The following ERCC2 variants were observed in gnomAD, a reference collection of about 807,000 sequenced individuals.
The protein encoded by ERCC2 is ERCC excision repair 2, TFIIH core complex helicase subunit, also known as general transcription and DNA repair factor IIH helicase subunit XPD.
In ERCC2, 90 loss-of-function variants were observed where a neutral mutation model predicts 99.4. That is an observed-to-expected ratio of 0.91 (90% CI 0.76 to 1.08). The LOEUF (loss-of-function observed/expected upper bound fraction) is 1.08, where lower values mean the gene tolerates loss of function less well. Ranked by LOEUF, ERCC2 falls within the 50% of genes least tolerant of loss-of-function variation. The pLI, the probability that ERCC2 is intolerant of heterozygous loss-of-function variation, is 0.00. For missense variants in ERCC2, 993 were observed against 1,038.1 expected, an observed-to-expected ratio of 0.96 and a Z score of 0.60; for synonymous variants, 497 against 432.4, an observed-to-expected ratio of 1.15 and a Z score of -1.85.
chr19:45,365,844 T>C (rs1396766422), intron 5 of ERCC2, among the ~76,000 whole-genome samples: 2 of 151,940 alleles, frequency 1.3e-5, no homozygotes, highest in Non-Finnish European at 2.9e-5. Flanking sequence ...AAGTTATACA[T>C]ACATATTTTT....
rs1972319943 is a variant in ERCC2 at position 45,363,929 on chromosome 19, C to G, written c.950-18G>C. 5 of 1,537,734 alleles carry G rather than the reference C, an allele frequency of 3.3e-6. 1 individual carries two copies. The East Asian group carries it at 1.2e-4, about 37-fold the overall frequency. Reference sequence around the variant, plus strand: ...CACTGCCTCTGCGAGGAGACGCTATCAGCGGCGACGGGGAGGCGGGAAAGG... The same window carrying G: ...CACTGCCTCTGCGAGGAGACGCTATGAGCGGCGACGGGGAGGCGGGAAAGG... On this transcript the variant is annotated intron_variant, in intron 10 of 22. Transcript: ENST00000391945.
chr19:45,367,364 T>TACACACAC (rs1277272381), intron 5 of ERCC2, among the ~76,000 whole-genome samples: 2 of 102,166 alleles, frequency 2.0e-5, no homozygotes, highest in African/African-American at 5.4e-5. Flanking sequence ...AATATATATA[T>TACACACAC]ATATACACAC....
intron 12 of ERCC2, chr19:45,359,057 G>A: frequency 3.3e-6 from 2 of 608,622 alleles, no homozygotes; most frequent in East Asian, 2.8e-5. Flanking sequence ...TCCAGTAGGA[G>A]ACAGACTTGT....
chr19:45,363,802 G>A lies in ERCC2; in HGVS notation c.1059C>T (p.Ser353=). 6.5e-7 allele frequency: 1 copy of A among 1,539,922 alleles called. No homozygotes were observed. Among genetic ancestry groups the A allele is most frequent in the South Asian group, 1.2e-5 (1 of 84,356 alleles). Residue 353 remains serine (S), a synonymous_variant, in exon 11 of 23, where the codon AGC becomes AGT. Coordinates refer to ENST00000391945, the MANE Select transcript of ERCC2 (RefSeq NM_000400.4). ...CCAGGCCGCTCAGGAAGGCGGGCGG[G>A]CTCTCCTGCACCACATGCTGCACAC... ...RLRVQHVVQE[S]PPAFLSGLAQ...
chr19:45,364,695 C>T (rs1972362318), intron 7 of ERCC2, 143 bp downstream of exon 7: 3 of 1,337,300 alleles, frequency 2.2e-6, no homozygotes, highest in Non-Finnish European at 3.2e-6. Context: ...AGAGACAGAC[C>T]AACAGATACG....
intron 12 of ERCC2, among the ~76,000 whole-genome samples, chr19:45,359,134 C>T (rs1447506626): frequency 1.3e-5 from 2 of 151,972 alleles, no homozygotes; most frequent in Non-Finnish European, 2.9e-5. Flanking sequence ...GGGCCTGACT[C>T]AGCCTGGGGG....
Position 45,352,148 on chromosome 19 carries a change from G to C in ERCC2, c.2190+61C>G, listed in dbSNP as rs3916882. 4.5e-3 allele frequency: 7,204 copies of C among 1,587,714 alleles called. 23 individuals are homozygous for C. Among genetic ancestry groups the C allele is most frequent in the Non-Finnish European group, 5.5e-3 (6,398 of 1,162,196 alleles). Reference sequence around the variant, plus strand: ...GGGTGGGGAGTGGGGAGAATCCAAGGGGACTTTCTGGAGGAGAAGCTCAGC... The same window carrying C: ...GGGTGGGGAGTGGGGAGAATCCAAGCGGACTTTCTGGAGGAGAAGCTCAGC... On this transcript the variant is annotated intron_variant, in intron 22 of 22. Transcript: ENST00000391945.
At chr19:45,370,394 A>C in intron 1 of ERCC2, 142 bp downstream of exon 1, 2 of 1,498,948 alleles carry the variant, frequency 1.3e-6, no homozygotes, top group Non-Finnish European at 1.8e-6. Context: ...CCTCGCTATC[A>C]CTGCTGCTCC....
chr19:45,352,923 G>T, intron 19 of ERCC2, 107 bp from the exon 20 acceptor site: 3 of 1,252,878 alleles, frequency 2.4e-6, no homozygotes, highest in East Asian at 2.4e-5. Flanking sequence ...GGGAGAGGGT[G>T]TGTTCCCGCC....
chr19:45,369,957 C>T (rs1181425502), intron 2 of ERCC2, among the ~76,000 whole-genome samples, 176 bp downstream of exon 2: 4 of 152,194 alleles, frequency 2.6e-5, no homozygotes, highest in African/African-American at 9.6e-5. Context: ...ATTACAGGCG[C>T]GAGCCACCGC....
chr19:45,369,076 G>A lies in ERCC2; in HGVS notation c.177C>T (p.Tyr59=), dbSNP rs1161950163. The A allele has an allele frequency of 7.4e-6, 12 of 1,613,912 alleles. No homozygotes were observed. Among genetic ancestry groups the A allele is most frequent in the African/African-American group, 2.7e-5 (2 of 74,894 alleles). The part of the protein sequence containing the change: ...TVSLLALIMA[Y]QRAYPLEVTK... The stretch of plus-strand genomic sequence containing the variant: ...GGTTCAGCGCATCACTCACTCTCTG[G>A]TATGCCATGATCAGGGCCAACAGGG... The change falls in exon 3 of 23, where the codon TAC becomes TAT. Residue 59 remains tyrosine (Y), a synonymous_variant. Coordinates refer to ENST00000391945, the MANE Select transcript of ERCC2 (RefSeq NM_000400.4).
At chr19:45,359,943 T>C (rs1437093511) in intron 12 of ERCC2, among the ~76,000 whole-genome samples, 1 of 151,856 alleles carries the variant, frequency 6.6e-6, no homozygotes, top group Non-Finnish European at 1.5e-5. Context: ...TCCAGCTAAT[T>C]TTTGTATTTT....
At chr19:45,351,743 G>A (rs1322856478) in intron 22 of ERCC2, 22 bp from the exon 23 acceptor site, 27 of 1,610,834 alleles carry the variant, frequency 1.7e-5, no homozygotes, top group Middle Eastern at 3.3e-4. Context: ...AGAGGAAAGG[G>A]AGAGGGGGGC....
At position 45,351,110 on chromosome 19, in the gene ERCC2, C is replaced by T. The variant is rs1971744302; in HGVS notation, c.*519G>A. The stretch of plus-strand genomic sequence containing the variant: ...AGGGCGGTCGGGCCAGTGGTGGAGT[C>T]AGCAGGTGGTGGGTTGGTGTCAGAA... On this transcript the variant is annotated 3_prime_UTR_variant, in exon 23 of 23. Coordinates refer to ENST00000391945, the MANE Select transcript of ERCC2 (RefSeq NM_000400.4). 1.9e-6 allele frequency: 3 copies of T among 1,607,574 alleles called. No homozygotes were observed. The highest frequency in any genetic ancestry group is 1.7e-5 in the Admixed American group (1 of 59,252).
Position 45,352,264 on chromosome 19 carries a change from T to C in ERCC2, c.2135A>G (p.Glu712Gly). 6.2e-7 allele frequency: 1 copy of C among 1,614,086 alleles called. No individual in the cohort carries two copies. The highest frequency in any genetic ancestry group is 1.1e-5 in the South Asian group (1 of 91,084). ...TDANLNLTVD[E>G]GVQVAKYFLR... ...GAAGTACTTGGCCACCTGGACACCC[T>C]CGTCCACGGTCAGGTTGAGGTTGGC... The change falls in exon 22 of 23, where the codon GAG (glutamate) becomes GGG (glycine). Residue 712 changes from glutamate to glycine, a missense_variant. By Grantham distance (98) the Glu-to-Gly change is moderately conservative (BLOSUM62 -2). Around this residue, in one of 3 missense-constraint regions of ERCC2, gnomAD observed 909 missense variants for 930.8 expected, o/e 0.98. Transcript: ENST00000391945.
chr19:45,365,086 GC>G lies in ERCC2; in HGVS notation c.432del (p.Gln145SerfsTer36). 6.2e-7 allele frequency: 1 copy of G among 1,614,202 alleles called. No individual in the cohort carries two copies. The highest frequency in any genetic ancestry group is 8.5e-7 in the Non-Finnish European group (1 of 1,180,024). On this transcript the variant is annotated frameshift_variant, in exon 6 of 23. Transcript: ENST00000391945. LOFTEE classifies it high-confidence loss of function. ...GGCAGGCTGGTGTCATGCTGGTACT[GC>G]GCCCGCACATAGGAGGCTGTGAGGC... Reference protein sequence around the residue: ...CHSLTASYVRAQYQHDTSLPH... With the variant: ...CHSLTASYVRXQYQHDTSLPH...
intron 15 of ERCC2, 57 bp downstream of exon 15, chr19:45,357,213 G>T: frequency 7.8e-7 from 1 of 1,284,972 alleles, no homozygotes; most frequent in Non-Finnish European, 1.1e-6. Context: ...AAGGAAGGAG[G>T]GCGGCCCCTT....
In ERCC2 at chr19:45,355,696, G is replaced by A; in HGVS notation, c.1512C>T (p.Ile504=). 6.2e-7 allele frequency: 1 copy of A among 1,614,186 alleles called. No homozygotes were observed. The highest frequency in any genetic ancestry group is 8.5e-7 in the Non-Finnish European group (1 of 1,180,030). Residue 504 remains isoleucine (I), a synonymous_variant, in exon 16 of 23, where the codon ATC becomes ATT. Transcript: ENST00000391945. ...CCTCCCGGGTCTCAAATTTGGAGCT[G>A]ATGGCCACCTGGTCATTGCCACGGC... ...IIGRGNDQVA[I]SSKFETREDI...
At chr19:45,357,449 G>C in intron 14 of ERCC2, 25 bp downstream of exon 14, 7 of 1,613,350 alleles carry the variant, frequency 4.3e-6, no homozygotes, top group Non-Finnish European at 5.9e-6. Flanking sequence ...TCAGGGACTA[G>C]GAGGGGACGG....
Sources: allele counts gnomAD v4.1 joint callset (sites outside exome capture counted in the v4.1 genomes callset), GRCh38; gene constraint gnomAD v4.1.1; regional missense constraint gnomAD v4.1.1; transcripts MANE v1.5; gene names NCBI Gene and HGNC (gene_info 2026-07-23, HGNC 2026-07-21).